NTRK2: variants seen among roughly 807,000 people sequenced by gnomAD.
NTRK2 encodes the protein neurotrophic receptor tyrosine kinase 2.
In NTRK2, 13 loss-of-function variants were observed where a neutral mutation model predicts 94.5. The observed-to-expected ratio is 0.14, with a 90% CI of 0.09 to 0.22. The LOEUF is 0.22. NTRK2 is among the 10% of genes least tolerant of loss of function. The pLI, the probability that NTRK2 is intolerant of heterozygous loss-of-function variation, is 1.00. For missense variants in NTRK2, 639 were observed against 1,071.2 expected, an observed-to-expected ratio of 0.60 and a Z score of 5.63; for synonymous variants, 372 against 407.4, an observed-to-expected ratio of 0.91 and a Z score of 1.05.
At chr9:84,677,705 T>A (rs377440407) in intron 2 of NTRK2, among the ~76,000 whole-genome samples, 1 of 152,256 alleles carries the variant, frequency 6.6e-6, no homozygotes, top group Admixed American at 6.5e-5. Context: ...AAATTTGACC[T>A]CGAGAGCCAA....
intron 17 of NTRK2, among the ~76,000 whole-genome samples, chr9:84,958,402 T>C (rs1202447590): frequency 1.3e-5 from 2 of 152,348 alleles, no homozygotes; most frequent in East Asian, 1.9e-4. Flanking sequence ...TTTTAACATT[T>C]GTTAAAAAGA....
In NTRK2 at chr9:84,950,815, A is replaced by G. The variant is rs142467694; in HGVS notation, c.1937+2181A>G. ...GTAATCAAGAAATGTTGTCCTCACA[A>G]TCTTTCACAATACTTCATCTCTGCC... On this transcript the variant is annotated intron_variant, in intron 16 of 18. Coordinates refer to ENST00000277120, the MANE Select transcript of NTRK2 (RefSeq NM_006180.6). Among the ~76,000 whole-genome samples the G allele has an allele frequency of 1.6e-3, 251 of 152,254 alleles. 2 individuals are homozygous for G. The South Asian group carries it at 0.019, about 12-fold the overall frequency.
rs550292799 is a variant in NTRK2 at position 84,974,427 on chromosome 9, A to G, written c.2172+18910A>G. On this transcript the variant is annotated intron_variant, in intron 17 of 18. Coordinates refer to ENST00000277120, the MANE Select transcript of NTRK2 (RefSeq NM_006180.6). ...AGTCAAACATTGTCAACCATTGTCA[A>G]TGTAATTTTTATAGATCTCAGTTTT... Among the ~76,000 whole-genome samples the G allele has an allele frequency of 7.9e-5, 12 of 152,296 alleles. No homozygotes were observed. In the East Asian group the frequency reaches 2.1e-3, roughly 27 times the overall value.
intron 17 of NTRK2, among the ~76,000 whole-genome samples, chr9:85,005,406 T>C (rs1027822056): frequency 6.6e-6 from 1 of 152,244 alleles, no homozygotes; most frequent in African/African-American, 2.4e-5. Context: ...TGGATTTCTA[T>C]GTCTTCGTTT....
intron 12 of NTRK2, among the ~76,000 whole-genome samples, chr9:84,820,572 T>G (rs1156940846): frequency 1.3e-5 from 2 of 152,246 alleles, no homozygotes; most frequent in Admixed American, 6.5e-5. Flanking sequence ...CATATTTAAC[T>G]TTTCGTTAAT....
Position 84,670,896 on chromosome 9 carries a change from C to T in NTRK2, c.148C>T (p.Pro50Ser). ...TCGGATCTGGTGCAGCGACCCTTCTCCTGGCATCGTGGCATTTCCGAGATT... is the reference window on the plus strand; with the variant it reads ...TCGGATCTGGTGCAGCGACCCTTCTTCTGGCATCGTGGCATTTCCGAGATT... ...ASRIWCSDPS[P>S]GIVAFPRLEP... The change falls in exon 2 of 19, where the codon CCT becomes TCT. Residue 50 changes from proline (P) to serine (S), a missense_variant. Physicochemically the swap from Pro to Ser is moderately conservative, Grantham distance 74. Transcript: ENST00000277120. 6.2e-7 allele frequency: 1 copy of T among 1,612,466 alleles called. No individual in the cohort carries two copies. Among genetic ancestry groups the T allele is most frequent in the Admixed American group, 1.7e-5 (1 of 60,030 alleles).
intron 14 of NTRK2, among the ~76,000 whole-genome samples, chr9:84,903,472 A>G (rs146489732): frequency 2.3e-4 from 35 of 152,324 alleles, no homozygotes; most frequent in African/African-American, 7.5e-4. Context: ...CCCAATCTCC[A>G]TGTTATGGTC....
At chr9:84,950,904 A>G (rs541887381) in intron 16 of NTRK2, among the ~76,000 whole-genome samples, 1 of 152,168 alleles carries the variant, frequency 6.6e-6, no homozygotes, top group Non-Finnish European at 1.5e-5. Flanking sequence ...CTTTCTTGTG[A>G]TGGCAACACC....
intron 17 of NTRK2, among the ~76,000 whole-genome samples, chr9:84,986,525 G>A (rs940519809): frequency 1.3e-5 from 2 of 152,196 alleles, no homozygotes; most frequent in Non-Finnish European, 2.9e-5. Context: ...CTCCTGCTGT[G>A]TGGCCCAGTT....
At chr9:84,996,560 C>G (rs142996640) in intron 17 of NTRK2, among the ~76,000 whole-genome samples, 410 of 152,324 alleles carry the variant, frequency 2.7e-3, no homozygotes, top group Non-Finnish European at 4.4e-3. Context: ...AGTCTGCCCA[C>G]ACTGTGTGAA....
intron 12 of NTRK2, among the ~76,000 whole-genome samples, chr9:84,843,096 G>A (rs1325532981): frequency 1.3e-5 from 2 of 152,172 alleles, no homozygotes. Context: ...GCATCTACTG[G>A]ATGGTATTAC....
At position 84,942,181 on chromosome 9, in the gene NTRK2, G is replaced by A. The variant is rs76890032; in HGVS notation, c.1765-6281G>A. Reference sequence around the variant, plus strand: ...AATCATTTAATGAGTTTTTACATTTGTAGGGATGTTGGGAAGCTACCTATT... The same window carrying A: ...AATCATTTAATGAGTTTTTACATTTATAGGGATGTTGGGAAGCTACCTATT... On this transcript the variant is annotated intron_variant, in intron 15 of 18. Transcript: ENST00000277120. 3.9e-3 allele frequency among the ~76,000 whole-genome samples: 596 copies of A among 152,266 alleles called. 22 individuals carry two copies. The East Asian group carries it at 0.092, about 24-fold the overall frequency.
chr9:84,843,035 G>A (rs983660996), intron 12 of NTRK2, among the ~76,000 whole-genome samples: 3 of 152,168 alleles, frequency 2.0e-5, no homozygotes, highest in African/African-American at 7.2e-5. Flanking sequence ...CTGTGTGGCT[G>A]AATGAATTCC....
chr9:84,707,308 G>A (rs867701575), intron 4 of NTRK2, among the ~76,000 whole-genome samples: 4 of 151,902 alleles, frequency 2.6e-5, no homozygotes, highest in African/African-American at 4.8e-5. Flanking sequence ...GGAGGTATGC[G>A]GTTATTTAGA....
intron 12 of NTRK2, among the ~76,000 whole-genome samples, chr9:84,847,042 T>C (rs2074506762): frequency 6.6e-6 from 1 of 152,214 alleles, no homozygotes; most frequent in African/African-American, 2.4e-5. Flanking sequence ...GCTAGTTAAA[T>C]ATTTGAATAG....
intron 12 of NTRK2, among the ~76,000 whole-genome samples, chr9:84,799,574 G>C (rs1234840099): frequency 8.5e-6 from 1 of 118,110 alleles, no homozygotes. Flanking sequence ...GTAGCTATAC[G>C]GGTTTAGGAT....
chr9:84,680,179 T>C (rs2059308209), intron 2 of NTRK2, among the ~76,000 whole-genome samples: 1 of 152,222 alleles, frequency 6.6e-6, no homozygotes, highest in Non-Finnish European at 1.5e-5. Flanking sequence ...TCAGTGTCAC[T>C]AGTGTTATTG....
chr9:85,002,697 A>G (rs1564540777), intron 17 of NTRK2, among the ~76,000 whole-genome samples: 1 of 152,184 alleles, frequency 6.6e-6, no homozygotes, highest in Non-Finnish European at 1.5e-5. Flanking sequence ...TTGTTATTCG[A>G]TGGTTGCAGT....
chr9:84,808,220 T>G (rs2071351521), intron 12 of NTRK2, among the ~76,000 whole-genome samples: 1 of 152,138 alleles, frequency 6.6e-6, no homozygotes, highest in African/African-American at 2.4e-5. Flanking sequence ...TTAGCTGTGT[T>G]TCCAACTGTA....
Sources: gnomAD v4.1 joint callset for allele counts (sites outside exome capture counted in the v4.1 genomes callset) on GRCh38, gnomAD v4.1.1 for gene constraint, MANE v1.5 for transcripts, NCBI Gene and HGNC (gene_info 2026-07-23, HGNC 2026-07-21) for gene names.